The following SPATA18 variants were observed in gnomAD, a reference collection of about 807,000 sequenced individuals.
The protein encoded by SPATA18 is spermatogenesis associated 18.
A neutral mutation model predicts 68.1 loss-of-function variants in SPATA18; 54 were observed. That is an observed-to-expected ratio of 0.79 (90% CI 0.64 to 0.99). The LOEUF is 0.99. Among genes scored for constraint, SPATA18 ranks in the 50% least tolerant of loss-of-function variants. The pLI is 0.00. For missense variants in SPATA18, 724 were observed against 681.1 expected, an observed-to-expected ratio of 1.06 and a Z score of -0.70; for synonymous variants, 242 against 244.8, an observed-to-expected ratio of 0.99 and a Z score of 0.11.
At chr4:52,059,623 T>C (rs1297930914) in intron 1 of SPATA18, among the ~76,000 whole-genome samples, 2 of 152,234 alleles carry the variant, frequency 1.3e-5, no homozygotes, top group Admixed American at 1.3e-4. Flanking sequence ...TCCCAGACTT[T>C]CCAAGACAAT....
Position 52,083,178 on chromosome 4 carries a change from C to G in SPATA18, c.1479+668C>G, listed in dbSNP as rs922688148. 22 of 985,130 alleles carry G rather than the reference C, an allele frequency of 2.2e-5. No homozygotes were observed. The South Asian group carries it at 3.8e-4, about 17-fold the overall frequency. 61.0% of individuals were successfully genotyped at this position (985,130 alleles called of 1,614,324 possible). On this transcript the variant is annotated intron_variant, in intron 10 of 12. Transcript: ENST00000295213. ...GGATTGGGTGATGGAACTGGTAGTG[C>G]TTGGATATTCTGCATAGTTTATGTT... is the stretch of plus-strand genomic sequence containing the variant.
In SPATA18 at chr4:52,092,658, A is replaced by T. The variant is rs576722453; in HGVS notation, c.1564-1869A>T. Among the ~76,000 whole-genome samples the T allele has an allele frequency of 2.0e-5, 3 of 152,324 alleles. No individual in the cohort carries two copies. In the East Asian group the frequency reaches 5.8e-4, roughly 29 times the overall value. On this transcript the variant is annotated intron_variant, in intron 11 of 12. Coordinates refer to ENST00000295213, the MANE Select transcript of SPATA18 (RefSeq NM_145263.4). ...AGACCAGTGCTGTTTCTATTCAGCCATCTTGAATCTACTCCCCCTTACGGA... is the reference window on the plus strand; with the variant it reads ...AGACCAGTGCTGTTTCTATTCAGCCTTCTTGAATCTACTCCCCCTTACGGA...
chr4:52,077,415 CCTCT>C (rs59487642), intron 7 of SPATA18, among the ~76,000 whole-genome samples: 73,380 of 148,880 alleles, frequency 0.49, 21,496 homozygotes, highest in Non-Finnish European at 0.66. Context: ...TTGTTTCCTT[CCTCT>C]CTCTCCTTCC....
intron 1 of SPATA18, among the ~76,000 whole-genome samples, chr4:52,052,001 C>CGCGCAGGCGGCCTGCGGA (rs1737923915): frequency 6.6e-6 from 1 of 152,140 alleles, no homozygotes; most frequent in African/African-American, 2.4e-5. Flanking sequence ...CGGGAGGCGG[C>CGCGCAGGCGGCCTGCGGA]GCGCAGGCGG....
At chr4:52,077,694 T>A (rs1437961312) in intron 7 of SPATA18, among the ~76,000 whole-genome samples, 1 of 152,176 alleles carries the variant, frequency 6.6e-6, no homozygotes, top group African/African-American at 2.4e-5. Flanking sequence ...TTTGGTTTAC[T>A]TTAGTTCTTA....
chr4:52,060,450 G>A lies in SPATA18; in HGVS notation c.119G>A (p.Cys40Tyr). 1 of 1,613,998 alleles carries A rather than the reference G, an allele frequency of 6.2e-7. No homozygotes were observed. Among genetic ancestry groups the A allele is most frequent in the Non-Finnish European group, 8.5e-7 (1 of 1,179,940 alleles). The stretch of plus-strand genomic sequence containing the variant: ...ACGTGTGATCAAAATCTAAACCATT[G>A]CCTTGAACTCATTGAGCAAGTTGCC... ...TNTCDQNLNH[C>Y]LELIEQVAKV... The change falls in exon 2 of 13, where the codon TGC (cysteine) becomes TAC (tyrosine). Residue 40 changes from cysteine to tyrosine, a missense_variant. Physicochemically the swap from Cys to Tyr is radical, Grantham distance 194. Transcript: ENST00000295213.
chr4:52,070,203 G>A (rs945704471), intron 5 of SPATA18, among the ~76,000 whole-genome samples: 1 of 151,822 alleles, frequency 6.6e-6, no homozygotes, highest in Non-Finnish European at 1.5e-5. Context: ...AAAATAGAGT[G>A]GAGACTACAG....
chr4:52,087,399 G>T (rs1245491813), intron 11 of SPATA18, among the ~76,000 whole-genome samples: 1 of 152,124 alleles, frequency 6.6e-6, no homozygotes, highest in Non-Finnish European at 1.5e-5. Flanking sequence ...TATGGTCCTA[G>T]GTCTTACATT....
chr4:52,095,071 C>A lies in SPATA18; in HGVS notation c.*184C>A. 3.1e-6 allele frequency: 2 copies of A among 635,562 alleles called. No individual in the cohort carries two copies. Among genetic ancestry groups the A allele is most frequent in the South Asian group, 4.0e-5 (2 of 50,030 alleles). 39.4% of individuals were successfully genotyped at this position (635,562 alleles called of 1,614,324 possible). On this transcript the variant is annotated 3_prime_UTR_variant, in exon 13 of 13. Transcript: ENST00000295213. ...CGCATTTGTAACTTTAGATATATTG[C>A]ATTCTATTTTATTTTATAGATACTA...
At chr4:52,086,887 G>A (rs1741480216) in intron 11 of SPATA18, among the ~76,000 whole-genome samples, 1 of 152,202 alleles carries the variant, frequency 6.6e-6, no homozygotes, top group African/African-American at 2.4e-5. Context: ...CACCAACAGT[G>A]TAAAAGCATT....
chr4:52,082,536 T>G, intron 10 of SPATA18, 26 bp downstream of exon 10: 2 of 1,613,874 alleles, frequency 1.2e-6, no homozygotes, highest in Non-Finnish European at 1.7e-6. Context: ...ATAGTGACAA[T>G]TCATCCCAAG....
chr4:52,083,233 A>G, intron 10 of SPATA18: 1 of 985,322 alleles, frequency 1.0e-6, no homozygotes. Flanking sequence ...CTTTCCTAGA[A>G]AGAGTTAAAT....
rs1165954623 is a variant in SPATA18, at chr4:52,061,537, T to A, written c.309+640T>A. Among the ~76,000 whole-genome samples, 13 of 137,992 alleles carry A rather than the reference T, an allele frequency of 9.4e-5. No homozygotes were observed. In the East Asian group the frequency reaches 2.4e-3, roughly 26 times the overall value. The allele number at this position is 137,992 out of a possible 152,430, so 90.5% of individuals were successfully genotyped here. ...AATAATAATAACAGAAAGAAAGCAT[T>A]TAGTCTGTTCTGAGCAAGAGCATTA... On this transcript the variant is annotated intron_variant, in intron 3 of 12. Transcript: ENST00000295213.
Position 52,051,626 on chromosome 4 carries a change from C to A in SPATA18, c.-79C>A. Reference sequence around the variant, plus strand: ...GAGAACACCCTTCCCGCCATATCACCCCACGGTCCTGCGGAGGCCACCGCC... The same window carrying A: ...GAGAACACCCTTCCCGCCATATCACACCACGGTCCTGCGGAGGCCACCGCC... On this transcript the variant is annotated 5_prime_UTR_variant, in exon 1 of 13. Coordinates refer to ENST00000295213, the MANE Select transcript of SPATA18 (RefSeq NM_145263.4). 7.4e-7 allele frequency: 1 copy of A among 1,344,430 alleles called. No homozygotes were observed. The highest frequency in any genetic ancestry group is 1.2e-5 in the South Asian group (1 of 85,482). The allele number at this position is 1,344,430 out of a possible 1,614,324, so 83.3% of individuals were successfully genotyped here.
At chr4:52,070,741 T>C (rs1454929034) in intron 5 of SPATA18, among the ~76,000 whole-genome samples, 5 of 152,138 alleles carry the variant, frequency 3.3e-5, no homozygotes, top group African/African-American at 4.8e-5. Context: ...AAAACATTCA[T>C]AAAAACTGAC....
chr4:52,076,113 C>G (rs1206110150), intron 6 of SPATA18, among the ~76,000 whole-genome samples: 1 of 152,100 alleles, frequency 6.6e-6, no homozygotes, highest in Non-Finnish European at 1.5e-5. Context: ...GGACTCTGTA[C>G]TAGTGGTATA....
At chr4:52,067,353 T>C (rs1739399288) in intron 4 of SPATA18, among the ~76,000 whole-genome samples, 1 of 152,138 alleles carries the variant, frequency 6.6e-6, no homozygotes, top group South Asian at 2.1e-4. Flanking sequence ...GGGTTGTTTG[T>C]TTTTTTCTTT....
At chr4:52,066,876 A>G (rs1301886648) in intron 4 of SPATA18, among the ~76,000 whole-genome samples, 4 of 152,174 alleles carry the variant, frequency 2.6e-5, no homozygotes, top group Non-Finnish European at 4.4e-5. Context: ...GTGCATATGT[A>G]CCACATTTTC....
intron 3 of SPATA18, among the ~76,000 whole-genome samples, chr4:52,061,565 A>G (rs1738859758): frequency 6.6e-6 from 1 of 151,916 alleles, no homozygotes; most frequent in Admixed American, 6.6e-5. Context: ...GAGCATTATA[A>G]GATAGTGGCT....
Sources: allele counts gnomAD v4.1 joint callset (sites outside exome capture counted in the v4.1 genomes callset), GRCh38; gene constraint gnomAD v4.1.1; transcripts MANE v1.5; gene names NCBI Gene and HGNC (gene_info 2026-07-23, HGNC 2026-07-21).